PRKN: variants seen among roughly 807,000 people sequenced by gnomAD.
PRKN encodes the protein parkin RBR E3 ubiquitin protein ligase.
A neutral mutation model predicts 59.5 loss-of-function variants in PRKN; 56 were observed. That is an observed-to-expected ratio of 0.94 (90% CI 0.76 to 1.18). PRKN has a LOEUF of 1.18. PRKN is among the 50% of genes most tolerant of loss of function. The pLI, the probability that PRKN is intolerant of heterozygous loss-of-function variation, is 0.00. For missense variants in PRKN, 657 were observed against 596.4 expected (o/e 1.10, Z -1.06); for synonymous variants, 250 against 222.1 (o/e 1.13, Z -1.12).
intron 2 of PRKN, among the ~76,000 whole-genome samples, chr6:162,393,059 T>C (rs552598351): frequency 3.9e-4 from 59 of 151,986 alleles, no homozygotes; most frequent in Non-Finnish European, 7.1e-4. Flanking sequence ...TCACCCAAGC[T>C]GGCTCCAGTA....
chr6:161,838,933 G>A (rs1225951604), intron 6 of PRKN, among the ~76,000 whole-genome samples: 1 of 152,192 alleles, frequency 6.6e-6, no homozygotes, highest in Non-Finnish European at 1.5e-5. Flanking sequence ...GACCCTGCAA[G>A]GGGCCTGACA....
chr6:162,414,328 G>A (rs1011846467), intron 2 of PRKN, among the ~76,000 whole-genome samples: 5 of 152,096 alleles, frequency 3.3e-5, no homozygotes, highest in African/African-American at 9.7e-5. Context: ...GCTAATCTCT[G>A]TGTTAGGTAA....
chr6:162,125,284 G>A (rs74679764), intron 4 of PRKN, among the ~76,000 whole-genome samples: 6,932 of 152,214 alleles, frequency 0.046, 201 homozygotes, highest in Admixed American at 0.075. Context: ...GTGAGTCCAC[G>A]GGCGGCACCA....
chr6:162,561,698 G>A (rs73593933), intron 1 of PRKN, among the ~76,000 whole-genome samples: 1 of 152,166 alleles, frequency 6.6e-6, no homozygotes, highest in Non-Finnish European at 1.5e-5. Flanking sequence ...ATTCAGTGTT[G>A]TCCTGTTACA....
rs143139570 is a variant in PRKN, at chr6:162,100,009, C to T, written c.535-45835G>A. 1.9e-3 allele frequency among the ~76,000 whole-genome samples: 289 copies of T among 152,320 alleles called. 2 individuals are homozygous for T. The highest frequency in any genetic ancestry group is 6.5e-3 in the African/African-American group (270 of 41,564). ...TCAGTGTTTTTAGATTCCACGTATA[C>T]GTGAAACCGTGCAATATTTGTTTTT... On this transcript the variant is annotated intron_variant, in intron 4 of 11. Transcript: ENST00000366898.
intron 4 of PRKN, among the ~76,000 whole-genome samples, chr6:162,086,311 G>A (rs909909202): frequency 1.3e-5 from 2 of 152,100 alleles, no homozygotes; most frequent in Non-Finnish European, 1.5e-5. Context: ...TATGTTATCA[G>A]ATTTATTGTT....
chr6:161,943,553 G>T (rs1239451236), intron 6 of PRKN, among the ~76,000 whole-genome samples: 1 of 152,238 alleles, frequency 6.6e-6, no homozygotes, highest in African/African-American at 2.4e-5. Flanking sequence ...AAGTGAATGT[G>T]GAAATCCTGA....
chr6:162,293,799 C>A (rs992373725), intron 2 of PRKN, among the ~76,000 whole-genome samples: 6 of 151,906 alleles, frequency 3.9e-5, no homozygotes, highest in African/African-American at 1.5e-4. Context: ...GAGAGAGAGA[C>A]AGAGGAAGAA....
intron 3 of PRKN, among the ~76,000 whole-genome samples, chr6:162,207,996 G>T (rs1341917472): frequency 6.6e-6 from 1 of 151,840 alleles, no homozygotes. Flanking sequence ...TAAATTGTTG[G>T]GATATCATAT....
intron 6 of PRKN, among the ~76,000 whole-genome samples, chr6:161,922,318 G>A (rs1207930785): frequency 6.6e-6 from 1 of 152,082 alleles, no homozygotes; most frequent in African/African-American, 2.4e-5. Flanking sequence ...CCCTCAGTGT[G>A]TCCCCACTTT....
At chr6:161,398,095 G>C (rs548241392) in intron 9 of PRKN, among the ~76,000 whole-genome samples, 1 of 152,270 alleles carries the variant, frequency 6.6e-6, no homozygotes, top group Non-Finnish European at 1.5e-5. Context: ...TTCAATGGAG[G>C]AGGATAAGGT....
chr6:162,068,206 C>CAT (rs1778416458), intron 4 of PRKN, among the ~76,000 whole-genome samples: 1 of 152,116 alleles, frequency 6.6e-6, no homozygotes, highest in East Asian at 1.9e-4. Context: ...ACCTGCTTTT[C>CAT]ATTTAGTTAT....
intron 4 of PRKN, among the ~76,000 whole-genome samples, chr6:162,192,678 A>C (rs928921805): frequency 1.3e-5 from 2 of 151,894 alleles, no homozygotes; most frequent in Admixed American, 6.6e-5. Context: ...GTCACTCCTT[A>C]TAGTATACAT....
intron 3 of PRKN, among the ~76,000 whole-genome samples, chr6:162,242,644 CA>C (rs1779029764): frequency 6.6e-6 from 1 of 152,126 alleles, no homozygotes; most frequent in Non-Finnish European, 1.5e-5. Context: ...GGAAACTACT[CA>C]CAGCAACAAA....
rs79524567 is a variant in PRKN, at chr6:161,390,389, T to G, written c.1084-3512A>C. On this transcript the variant is annotated intron_variant, in intron 9 of 11. Transcript: ENST00000366898. This position sits in a 1 kb window ranked among gnomAD's most constrained non-coding sequence, Gnocchi z 7.0. Reference sequence around the variant, plus strand: ...TTAATGTAGATTGTGCTATTTTCCTTTTGGTGACATTGTATCTTTGCAAAG... The same window carrying G: ...TTAATGTAGATTGTGCTATTTTCCTGTTGGTGACATTGTATCTTTGCAAAG... Among the ~76,000 whole-genome samples, 1,483 of 152,372 alleles carry G rather than the reference T, an allele frequency of 9.7e-3. 8 individuals carry two copies. Among genetic ancestry groups the G allele is most frequent in the Non-Finnish European group, 0.016 (1,119 of 68,036 alleles).
At chr6:162,433,504 G>GA (rs1789632296) in intron 2 of PRKN, among the ~76,000 whole-genome samples, 1 of 151,984 alleles carries the variant, frequency 6.6e-6, no homozygotes, top group Non-Finnish European at 1.5e-5. Flanking sequence ...CCCTTGGAAT[G>GA]AAAAAAACAT....
chr6:161,763,416 C>T (rs1227860550), intron 7 of PRKN, among the ~76,000 whole-genome samples: 1 of 151,954 alleles, frequency 6.6e-6, no homozygotes, highest in East Asian at 1.9e-4. Context: ...TAACCCCCTC[C>T]TCTCTTCTTA....
intron 5 of PRKN, among the ~76,000 whole-genome samples, chr6:161,974,624 A>C (rs1301861764): frequency 6.6e-6 from 1 of 152,038 alleles, no homozygotes; most frequent in Non-Finnish European, 1.5e-5. Flanking sequence ...CACAGTCTGC[A>C]TGCCTTCCAT....
At chr6:162,654,179 C>T (rs952555631) in intron 1 of PRKN, among the ~76,000 whole-genome samples, 1 of 152,152 alleles carries the variant, frequency 6.6e-6, no homozygotes, top group Non-Finnish European at 1.5e-5. Flanking sequence ...GTCTAACAGT[C>T]GAGCTTCCAC....
Sources: allele counts gnomAD v4.1 joint callset (sites outside exome capture counted in the v4.1 genomes callset), GRCh38; gene constraint gnomAD v4.1.1; non-coding constraint Gnocchi (gnomAD v3.1); transcripts MANE v1.5; gene names NCBI Gene and HGNC (gene_info 2026-07-23, HGNC 2026-07-21).